MCPH1: variants seen among roughly 807,000 people sequenced by gnomAD.
MCPH1 encodes microcephalin.
Under a neutral mutation model 84.5 loss-of-function variants are expected in MCPH1, and 104 were observed. The observed-to-expected ratio is 1.23, with a 90% confidence interval of 1.05 to 1.45. The LOEUF is 1.45. Ranked by LOEUF, MCPH1 falls within the 40% of genes most tolerant of loss-of-function variation. The pLI is 0.00. For missense variants in MCPH1, 1,498 were observed against 1,005.7 expected (o/e 1.49, Z -6.62); for synonymous variants, 514 against 366.8 (o/e 1.40, Z -4.58).
intron 12 of MCPH1, among the ~76,000 whole-genome samples, chr8:6,552,488 G>C (rs927617434): frequency 3.3e-5 from 5 of 152,198 alleles, no homozygotes; most frequent in African/African-American, 1.2e-4. Context: ...ATATAACTCT[G>C]AGGTATAGAA....
At chr8:6,492,412 A>G (rs931837563) in intron 11 of MCPH1, among the ~76,000 whole-genome samples, 3 of 151,470 alleles carry the variant, frequency 2.0e-5, no homozygotes, top group Non-Finnish European at 3.0e-5. Context: ...ATTTTCTCAC[A>G]TTCTGTAGGT....
chr8:6,487,033 T>C (rs1215047585), intron 11 of MCPH1, among the ~76,000 whole-genome samples: 3 of 152,364 alleles, frequency 2.0e-5, no homozygotes, highest in Non-Finnish European at 2.9e-5. Flanking sequence ...TACCACTCCG[T>C]GTCACTCTGT....
chr8:6,425,941 C>T (rs182083438), intron 3 of MCPH1, among the ~76,000 whole-genome samples: 15 of 152,284 alleles, frequency 9.9e-5, no homozygotes, highest in African/African-American at 2.6e-4. Context: ...CAGCCACCCC[C>T]CTTTTGCTGT....
intron 12 of MCPH1, among the ~76,000 whole-genome samples, chr8:6,509,854 C>G (rs771679141): frequency 6.6e-6 from 1 of 152,158 alleles, no homozygotes; most frequent in Non-Finnish European, 1.5e-5. Context: ...ACACGGTGCA[C>G]GCAGTGTCTG....
rs753533535 is a variant in MCPH1 at position 6,532,344 on chromosome 8, A to G, written c.2214+32415A>G. On this transcript the variant is annotated intron_variant, in intron 12 of 13. Transcript: ENST00000344683. ...TGGCATTACTTACTTGGGCTTCCAC[A>G]TCAGTTAACTTCCGCGTTTGCTCCG... 2.5e-6 allele frequency: 4 copies of G among 1,613,996 alleles called. No individual in the cohort carries two copies. The African/African-American group carries it at 4.0e-5, about 16-fold the overall frequency.
chr8:6,577,249 C>T (rs1040431015), intron 12 of MCPH1, among the ~76,000 whole-genome samples: 4 of 152,184 alleles, frequency 2.6e-5, no homozygotes, highest in Non-Finnish European at 5.9e-5. Flanking sequence ...TTCTGTCCTC[C>T]ACACTGTGGT....
intron 11 of MCPH1, among the ~76,000 whole-genome samples, chr8:6,498,561 C>A (rs886617134): frequency 6.6e-6 from 1 of 152,134 alleles, no homozygotes; most frequent in African/African-American, 2.4e-5. Flanking sequence ...TAAATTTTCT[C>A]CATGAGATTG....
chr8:6,487,192 C>G (rs1300601449), intron 11 of MCPH1, among the ~76,000 whole-genome samples: 3 of 152,170 alleles, frequency 2.0e-5, no homozygotes, highest in African/African-American at 7.2e-5. Flanking sequence ...AGCTTTACAA[C>G]AAAATGTCAA....
At chr8:6,475,089 C>T (rs1295974514) in intron 9 of MCPH1, among the ~76,000 whole-genome samples, 1 of 152,148 alleles carries the variant, frequency 6.6e-6, no homozygotes. Context: ...ATTTCTAAGC[C>T]AGTCAGAACA....
At chr8:6,412,877 G>A (rs1402372700) in intron 2 of MCPH1, among the ~76,000 whole-genome samples, 3 of 152,168 alleles carry the variant, frequency 2.0e-5, no homozygotes, top group Admixed American at 6.6e-5. Context: ...AAAGACTAAC[G>A]GGCAGTGCCA....
intron 12 of MCPH1, among the ~76,000 whole-genome samples, chr8:6,504,502 G>A (rs71525731): frequency 2.6e-5 from 4 of 151,948 alleles, no homozygotes; most frequent in Non-Finnish European, 5.9e-5. Flanking sequence ...TTATTAGATC[G>A]ATTGTCACAG....
intron 13 of MCPH1, chr8:6,625,431 G>A (rs1237318639): frequency 4.1e-6 from 4 of 985,202 alleles, no homozygotes; most frequent in African/African-American, 3.5e-5. Flanking sequence ...TATAACAAAT[G>A]CTTCTCTGGA....
intron 12 of MCPH1, among the ~76,000 whole-genome samples, chr8:6,593,066 G>GT (rs1255478040): frequency 7.6e-6 from 1 of 132,078 alleles, no homozygotes; most frequent in African/African-American, 2.8e-5. Context: ...TGGACACTAT[G>GT]TTTTTTAGGG....
intron 12 of MCPH1, chr8:6,521,140 G>A: frequency 6.4e-7 from 1 of 1,562,576 alleles, no homozygotes; most frequent in Non-Finnish European, 8.8e-7. Context: ...CTGACTAAAG[G>A]TTATTAACGC....
chr8:6,429,557 T>G (rs1475929338), intron 3 of MCPH1, among the ~76,000 whole-genome samples: 1 of 152,036 alleles, frequency 6.6e-6, no homozygotes, highest in African/African-American at 2.4e-5. Flanking sequence ...TGATTTCATT[T>G]CCCCAGACAG....
chr8:6,471,004 G>T (rs73518749), intron 9 of MCPH1, among the ~76,000 whole-genome samples: 2,833 of 152,280 alleles, frequency 0.019, 93 homozygotes, highest in African/African-American at 0.066. Flanking sequence ...TACAATGGAG[G>T]CTGCTACAGT....
intron 12 of MCPH1, chr8:6,514,669 G>A: frequency 1.2e-6 from 2 of 1,611,378 alleles, no homozygotes; most frequent in Non-Finnish European, 1.7e-6. Flanking sequence ...CTTAAAGAAT[G>A]TCCTTACCAC....
intron 12 of MCPH1, chr8:6,513,552 C>G: frequency 3.3e-6 from 2 of 613,952 alleles, no homozygotes; most frequent in Non-Finnish European, 5.2e-6. Flanking sequence ...CCAGGATGGT[C>G]TCAATCTCCT....
chr8:6,630,717 G>C lies in MCPH1; in HGVS notation c.2452+9026G>C, dbSNP rs139723259. ...AATCGCTTGAACCTGGGAGGTGGAG[G>C]TTGCAGTGAGCCGAGACTGTGCCAT... On this transcript the variant is annotated intron_variant, in intron 13 of 13. Coordinates refer to ENST00000344683, the MANE Select transcript of MCPH1 (RefSeq NM_024596.5). Among the ~76,000 whole-genome samples the C allele has an allele frequency of 5.4e-3, 818 of 150,398 alleles. 5 individuals are homozygous for C. The highest frequency in any genetic ancestry group is 0.018 in the African/African-American group (745 of 40,728).
Sources: gnomAD v4.1 joint callset for allele counts (sites outside exome capture counted in the v4.1 genomes callset) on GRCh38, gnomAD v4.1.1 for gene constraint, MANE v1.5 for transcripts, NCBI Gene and HGNC (gene_info 2026-07-23, HGNC 2026-07-21) for gene names.